PDE4B: variants seen among roughly 807,000 people sequenced by gnomAD.
PDE4B encodes 3',5'-cyclic-AMP phosphodiesterase 4B.
A neutral mutation model predicts 82.2 loss-of-function variants in PDE4B; 20 were observed. The ratio of observed to expected loss-of-function variants is 0.24; its 90% CI spans 0.17 to 0.35. PDE4B has a LOEUF of 0.35. PDE4B is among the 10% of genes least tolerant of loss of function. The pLI is 1.00. For synonymous variants in PDE4B, 320 were observed against 318.9 expected (o/e 1.00, Z -0.04); for missense variants, 655 against 907.2 (o/e 0.72, Z 3.57).
chr1:66,279,612 CA>C (rs1220100085), intron 7 of PDE4B, among the ~76,000 whole-genome samples: 33 of 141,030 alleles, frequency 2.3e-4, no homozygotes, highest in Non-Finnish European at 2.2e-4. Flanking sequence ...GACTCTGTCT[CA>C]AAAAAAAAAA....
intron 3 of PDE4B, among the ~76,000 whole-genome samples, chr1:65,940,779 A>G (rs950827542): frequency 2.0e-4 from 30 of 152,122 alleles, no homozygotes; most frequent in African/African-American, 7.0e-4. Context: ...TTGGACAAGT[A>G]TAAAAGTGTT....
intron 1 of PDE4B, among the ~76,000 whole-genome samples, chr1:65,825,772 G>A (rs1055088115): frequency 6.7e-6 from 1 of 148,952 alleles, no homozygotes; most frequent in Non-Finnish European, 1.5e-5. Context: ...ACATTCTCTT[G>A]GTGAGTTTTC....
At chr1:66,191,172 T>C (rs1205587577) in intron 3 of PDE4B, among the ~76,000 whole-genome samples, 2 of 152,306 alleles carry the variant, frequency 1.3e-5, no homozygotes, top group East Asian at 3.9e-4. Flanking sequence ...GTATACATTA[T>C]GAAAAATGGT....
chr1:65,863,847 T>C (rs1646481080), intron 1 of PDE4B, among the ~76,000 whole-genome samples: 1 of 152,212 alleles, frequency 6.6e-6, no homozygotes, highest in African/African-American at 2.4e-5. Context: ...TGGCTTTCCA[T>C]TTGCTTGGTA....
At chr1:66,298,734 C>T (rs562827049) in intron 7 of PDE4B, among the ~76,000 whole-genome samples, 28 of 152,120 alleles carry the variant, frequency 1.8e-4, no homozygotes, top group African/African-American at 6.7e-4. Context: ...TACAAACATT[C>T]CCTGAAAAAT....
chr1:66,178,479 G>A (rs1193117074), intron 3 of PDE4B, among the ~76,000 whole-genome samples: 1 of 152,012 alleles, frequency 6.6e-6, no homozygotes, highest in African/African-American at 2.4e-5. Context: ...ATTGCTAATG[G>A]CAGTGATTTT....
intron 3 of PDE4B, among the ~76,000 whole-genome samples, chr1:65,927,041 G>A (rs1647539784): frequency 6.6e-6 from 1 of 152,060 alleles, no homozygotes; most frequent in African/African-American, 2.4e-5. Flanking sequence ...GTGAAGGAGA[G>A]AGGGAGACTT....
chr1:65,993,409 A>T (rs1013493073), intron 3 of PDE4B, among the ~76,000 whole-genome samples: 9 of 152,344 alleles, frequency 5.9e-5, no homozygotes, highest in African/African-American at 2.2e-4. Flanking sequence ...AGCTAATTCT[A>T]GGTAAGTCGA....
intron 3 of PDE4B, among the ~76,000 whole-genome samples, chr1:66,238,035 T>A (rs977960038): frequency 2.0e-5 from 3 of 151,934 alleles, no homozygotes; most frequent in Non-Finnish European, 4.4e-5. Context: ...AAATAATGGG[T>A]TAAGGAAGGA....
rs569432118 is a variant in PDE4B at position 65,946,024 on chromosome 1, G to C, written c.281+27189G>C. ...TACTGTTTTTCAGTGCTACTCTGTG[G>C]TACAACAGCAATTCATTTTCATCTT... On this transcript the variant is annotated intron_variant, in intron 3 of 16. Transcript: ENST00000341517. 2.7e-4 allele frequency among the ~76,000 whole-genome samples: 41 copies of C among 151,956 alleles called. No individual in the cohort carries two copies. In the South Asian group the frequency reaches 3.7e-3, roughly 14 times the overall value.
Position 65,872,140 on chromosome 1 carries a change from C to A in PDE4B, c.-70-41105C>A, listed in dbSNP as rs1646580173. Reference sequence around the variant, plus strand: ...GGCTTATCAAACTCACAGGTTTTTCCCCAAATTTATGTGTGCAGATATAGT... The same window carrying A: ...GGCTTATCAAACTCACAGGTTTTTCACCAAATTTATGTGTGCAGATATAGT... On this transcript the variant is annotated intron_variant, in intron 1 of 16. Coordinates refer to ENST00000341517, the MANE Select transcript of PDE4B (RefSeq NM_002600.4). Among the ~76,000 whole-genome samples, 5 of 151,944 alleles carry A rather than the reference C, an allele frequency of 3.3e-5. No individual in the cohort carries two copies. In the South Asian group the frequency reaches 1.0e-3, roughly 32 times the overall value.
chr1:66,314,747 C>G (rs906516618), intron 7 of PDE4B, among the ~76,000 whole-genome samples: 7 of 152,194 alleles, frequency 4.6e-5, no homozygotes, highest in African/African-American at 1.4e-4. Flanking sequence ...TCAGTGAAAC[C>G]TATCTTGTCT....
At chr1:66,371,579 C>T (rs1025528587) in intron 16 of PDE4B, among the ~76,000 whole-genome samples, 1 of 152,168 alleles carries the variant, frequency 6.6e-6, no homozygotes, top group African/African-American at 2.4e-5. Flanking sequence ...TCCCTTCTTT[C>T]ACCTGTTGGA....
chr1:65,835,452 A>G (rs968070839), intron 1 of PDE4B, among the ~76,000 whole-genome samples: 3 of 152,200 alleles, frequency 2.0e-5, no homozygotes, highest in Non-Finnish European at 4.4e-5. Flanking sequence ...GAAAAGTGTT[A>G]ATTTTCAAAA....
At chr1:66,303,400 G>C (rs1370232370) in intron 7 of PDE4B, among the ~76,000 whole-genome samples, 2 of 151,418 alleles carry the variant, frequency 1.3e-5, no homozygotes, top group South Asian at 2.1e-4. Context: ...ATTAAATCAA[G>C]CTTGTTAATA....
intron 3 of PDE4B, among the ~76,000 whole-genome samples, chr1:65,942,499 G>T (rs1261770029): frequency 6.6e-6 from 1 of 151,896 alleles, no homozygotes; most frequent in Non-Finnish European, 1.5e-5. Flanking sequence ...ACATGGTAGT[G>T]CAGATATTCA....
chr1:66,130,750 C>T (rs1645924491), intron 3 of PDE4B, among the ~76,000 whole-genome samples: 1 of 152,226 alleles, frequency 6.6e-6, no homozygotes, highest in Admixed American at 6.5e-5. Context: ...GCTCCAGATC[C>T]TCGGTAGGCT....
intron 15 of PDE4B, among the ~76,000 whole-genome samples, chr1:66,368,453 G>C (rs1663413968): frequency 6.6e-6 from 1 of 152,204 alleles, no homozygotes; most frequent in African/African-American, 2.4e-5. Context: ...AAAATATGAA[G>C]TTATCTACTT....
chr1:65,903,456 G>A (rs1646994075), intron 1 of PDE4B, among the ~76,000 whole-genome samples: 1 of 151,912 alleles, frequency 6.6e-6, no homozygotes, highest in South Asian at 2.1e-4. Context: ...AGCCAGGTGT[G>A]GGAGTGTGCA....
Sources: gnomAD v4.1 joint callset for allele counts (sites outside exome capture counted in the v4.1 genomes callset) on GRCh38, gnomAD v4.1.1 for gene constraint, MANE v1.5 for transcripts, NCBI Gene and HGNC (gene_info 2026-07-23, HGNC 2026-07-21) for gene names.